EXOC4: variants seen among roughly 807,000 people sequenced by gnomAD.
EXOC4 encodes the protein exocyst complex component 4, also known as SEC8-like 1.
Under a neutral mutation model 107.2 loss-of-function variants are expected in EXOC4, and 71 were observed. The observed-to-expected ratio is 0.66, with a 90% CI of 0.55 to 0.81. The LOEUF (loss-of-function observed/expected upper bound fraction) is 0.81. EXOC4 is among the 30% of genes least tolerant of loss of function. The probability of loss-of-function intolerance (pLI) is 0.00; values close to 1 mark genes in which losing one functional copy is unlikely to be tolerated. For synonymous variants in EXOC4, 456 were observed against 441.2 expected (o/e 1.03, Z -0.42); for missense variants, 1,108 against 1,189.6 (o/e 0.93, Z 1.01).
intron 1 of EXOC4, among the ~76,000 whole-genome samples, chr7:133,270,080 C>G (rs1274949257): frequency 2.0e-5 from 3 of 152,090 alleles, no homozygotes; most frequent in Non-Finnish European, 4.4e-5. Flanking sequence ...CTGCACTGTT[C>G]TCGTGATAGT....
chr7:133,771,566 G>C (rs557396788), intron 10 of EXOC4: 1 of 152,034 alleles, frequency 6.6e-6, no homozygotes, highest in Non-Finnish European at 1.5e-5. Context: ...TAATTAATAG[G>C]AATGAAAATA....
chr7:133,950,969 G>C (rs539587135), intron 14 of EXOC4, among the ~76,000 whole-genome samples: 17 of 152,324 alleles, frequency 1.1e-4, no homozygotes, highest in East Asian at 3.9e-4. Context: ...AGAAATCTTG[G>C]AAGTGTGCTA....
chr7:133,546,743 C>T (rs1351129365), intron 9 of EXOC4, among the ~76,000 whole-genome samples: 1 of 152,028 alleles, frequency 6.6e-6, no homozygotes, highest in East Asian at 1.9e-4. Context: ...TTGTAGATAC[C>T]ATTCTATTCT....
chr7:133,657,954 C>G (rs1460447467), intron 10 of EXOC4, among the ~76,000 whole-genome samples: 1 of 152,168 alleles, frequency 6.6e-6, no homozygotes, highest in South Asian at 2.1e-4. Context: ...CCTCATGGTG[C>G]TCACAGGTTA....
At chr7:133,806,895 A>T (rs1440672240) in intron 10 of EXOC4, among the ~76,000 whole-genome samples, 1 of 152,228 alleles carries the variant, frequency 6.6e-6, no homozygotes, top group East Asian at 1.9e-4. Flanking sequence ...CATGGTGATT[A>T]CTTAAAACAA....
chr7:133,911,043 C>T (rs1799682196), intron 12 of EXOC4, among the ~76,000 whole-genome samples: 1 of 152,172 alleles, frequency 6.6e-6, no homozygotes, highest in Non-Finnish European at 1.5e-5. Context: ...TCAGCTGTAT[C>T]TCGAGGGTGG....
intron 10 of EXOC4, among the ~76,000 whole-genome samples, chr7:133,810,196 GA>G (rs1797186750): frequency 6.6e-6 from 1 of 152,106 alleles, no homozygotes; most frequent in Non-Finnish European, 1.5e-5. Context: ...TCTACAATAC[GA>G]TATAGGACCT....
chr7:134,077,899 T>C, the EXOC4 span, among the ~76,000 whole-genome samples: 1 of 152,218 alleles, frequency 6.6e-6, no homozygotes, highest in Non-Finnish European at 1.5e-5. Context: ...TTACAGAGAA[T>C]AGGAATCTAT....
At chr7:133,914,399 G>A (rs1477427651) in intron 12 of EXOC4, among the ~76,000 whole-genome samples, 1 of 152,062 alleles carries the variant, frequency 6.6e-6, no homozygotes, top group Non-Finnish European at 1.5e-5. Context: ...TTCCAGGCAG[G>A]GAGGGAGCTT....
At chr7:133,734,903 A>G (rs1795405497) in intron 10 of EXOC4, among the ~76,000 whole-genome samples, 1 of 151,748 alleles carries the variant, frequency 6.6e-6, no homozygotes, top group African/African-American at 2.4e-5. Context: ...GACTCACTTC[A>G]TTGTCTGTAT....
At chr7:133,602,851 C>A (rs1801840627) in intron 9 of EXOC4, among the ~76,000 whole-genome samples, 1 of 152,036 alleles carries the variant, frequency 6.6e-6, no homozygotes, top group African/African-American at 2.4e-5. Flanking sequence ...TCTTTGCATG[C>A]CAATGGGAAA....
chr7:133,971,401 G>GAGAA (rs1296299775), intron 14 of EXOC4, among the ~76,000 whole-genome samples: 2,575 of 110,286 alleles, frequency 0.023, 83 homozygotes, highest in African/African-American at 0.028. Context: ...GAGAGAGAGA[G>GAGAA]AAAGAGAGAG....
At chr7:133,823,871 A>ATTATATATATATATATATATATT (rs1797612166) in intron 11 of EXOC4, among the ~76,000 whole-genome samples, 1 of 14,320 alleles carries the variant, frequency 7.0e-5, no homozygotes, top group Non-Finnish European at 1.0e-4. Flanking sequence ...ATATATATAT[A>ATTATATATATATATATATATATT]TTATATATAT....
intron 10 of EXOC4, among the ~76,000 whole-genome samples, chr7:133,700,645 A>G (rs905529353): frequency 6.6e-6 from 1 of 152,178 alleles, no homozygotes; most frequent in Non-Finnish European, 1.5e-5. Context: ...TATATGTCAG[A>G]TCATACTATA....
At chr7:133,317,942 G>A (rs936430887) in intron 5 of EXOC4, among the ~76,000 whole-genome samples, 3 of 152,070 alleles carry the variant, frequency 2.0e-5, no homozygotes, top group Admixed American at 6.5e-5. Context: ...ACAGGCGTGA[G>A]CCACCACACC....
chr7:134,039,653 C>G (rs1440766118), intron 17 of EXOC4, among the ~76,000 whole-genome samples: 1 of 152,146 alleles, frequency 6.6e-6, no homozygotes. Flanking sequence ...CTTGCTGCCC[C>G]AGTACAATGA....
intron 12 of EXOC4, among the ~76,000 whole-genome samples, chr7:133,907,034 C>T (rs1396620780): frequency 6.6e-6 from 1 of 152,186 alleles, no homozygotes; most frequent in Non-Finnish European, 1.5e-5. Context: ...CAGCCACCAT[C>T]TTGGGAGCTC....
chr7:134,054,670 T>C (rs1449012256), intron 17 of EXOC4, among the ~76,000 whole-genome samples: 1 of 152,246 alleles, frequency 6.6e-6, no homozygotes, highest in Non-Finnish European at 1.5e-5. Context: ...CTGTTTGTTT[T>C]TCAGCCTGTG....
chr7:133,348,197 T>C (rs1241471215), intron 5 of EXOC4, among the ~76,000 whole-genome samples: 3 of 152,238 alleles, frequency 2.0e-5, no homozygotes, highest in Admixed American at 6.5e-5. Context: ...TATATTATCC[T>C]TTTAAATTGC....
Sources: gnomAD v4.1 joint callset for allele counts (sites outside exome capture counted in the v4.1 genomes callset) on GRCh38, gnomAD v4.1.1 for gene constraint, MANE v1.5 for transcripts, NCBI Gene and HGNC (gene_info 2026-07-23, HGNC 2026-07-21) for gene names.